STAP2: variants seen among roughly 807,000 people sequenced by gnomAD.
STAP2 encodes signal-transducing adaptor protein 2.
Under a neutral mutation model 52.7 loss-of-function variants are expected in STAP2, and 58 were observed. The ratio of observed to expected loss-of-function variants is 1.10; its 90% CI spans 0.89 to 1.37. The LOEUF (loss-of-function observed/expected upper bound fraction) is 1.37, where lower values mean the gene tolerates loss of function less well. Ranked by LOEUF, STAP2 falls within the 40% of genes most tolerant of loss-of-function variation. The pLI is 0.00. For missense variants in STAP2, 522 were observed against 519.4 expected, an observed-to-expected ratio of 1.00 and a Z score of -0.05; for synonymous variants, 231 against 210.5, an observed-to-expected ratio of 1.10 and a Z score of -0.84.
chr19:4,327,269 C>T (rs1971809131), intron 7 of STAP2, 43 bp from the exon 8 acceptor site: 3 of 1,613,836 alleles, frequency 1.9e-6, no homozygotes, highest in Non-Finnish European at 2.5e-6. Flanking sequence ...GGAGAAGGGA[C>T]GCGGACCCCA....
At chr19:4,327,888 C>G in intron 6 of STAP2, among the ~76,000 whole-genome samples, 1 of 54 alleles carries the variant, frequency 0.019, no homozygotes, top group South Asian at 0.25. Flanking sequence ...ACTTCGCCCC[C>G]AGGGCTGGCT....
In STAP2 at chr19:4,338,806, G is replaced by A. The variant is rs1002330798; in HGVS notation, c.-53C>T. ...TCTCCTTCCAGTGGGTGCCCCAGCT[G>A]GGCCGGGAAGCTGAGAAACAGGTTT... is the stretch of plus-strand genomic sequence containing the variant. On this transcript the variant is annotated 5_prime_UTR_variant, in exon 1 of 13. Coordinates refer to ENST00000594605, the MANE Select transcript of STAP2 (RefSeq NM_001013841.2). 7 of 1,573,504 alleles carry A rather than the reference G, an allele frequency of 4.4e-6. No homozygotes were observed. Among genetic ancestry groups the A allele is most frequent in the African/African-American group, 2.7e-5 (2 of 73,950 alleles).
At position 4,328,587 on chromosome 19, in the gene STAP2, G is replaced by A. The variant is rs559341459; in HGVS notation, c.590+88C>T. The A allele has an allele frequency of 4.0e-6, 6 of 1,508,778 alleles. No homozygotes were observed. The South Asian group carries it at 6.2e-5, about 16-fold the overall frequency. 93.5% of individuals were successfully genotyped at this position (1,508,778 alleles called of 1,614,324 possible). A position where few individuals can be genotyped will look rare whatever the true frequency, so the allele number is the denominator to read the frequency against. On this transcript the variant is annotated intron_variant, in intron 6 of 12. Transcript: ENST00000594605. ...CCCTGGCCTACCCACTAGCGGGTCGGACTCCGCCCCTGCTTCTGACCACGC... is the reference window on the plus strand; with the variant it reads ...CCCTGGCCTACCCACTAGCGGGTCGAACTCCGCCCCTGCTTCTGACCACGC...
intron 1 of STAP2, among the ~76,000 whole-genome samples, chr19:4,337,548 CAAA>C (rs376844059): frequency 7.0e-5 from 7 of 100,650 alleles, no homozygotes; most frequent in Admixed American, 1.0e-4. Flanking sequence ...ACCCCATCTT[CAAA>C]AAAAAAAAAA....
At chr19:4,335,791 A>C (rs938851330) in intron 1 of STAP2, among the ~76,000 whole-genome samples, 3 of 152,092 alleles carry the variant, frequency 2.0e-5, no homozygotes, top group Non-Finnish European at 2.9e-5. Context: ...GGAGGATCTC[A>C]TGAGAATTAG....
Position 4,338,773 on chromosome 19 carries a change from G to T in STAP2, c.-20C>A, listed in dbSNP as rs1469221706. On this transcript the variant is annotated 5_prime_UTR_variant, in exon 1 of 13. Transcript: ENST00000594605. Reference sequence around the variant, plus strand: ...GGCCATGACGGAGCCAGGGTCTTCCGCCTGGCCTCTCCTTCCAGTGGGTGC... The same window carrying T: ...GGCCATGACGGAGCCAGGGTCTTCCTCCTGGCCTCTCCTTCCAGTGGGTGC... 3 of 1,602,514 alleles carry T rather than the reference G, an allele frequency of 1.9e-6. No homozygotes were observed. Among genetic ancestry groups the T allele is most frequent in the African/African-American group, 1.3e-5 (1 of 74,838 alleles).
chr19:4,324,245 C>T (rs1971745557), intron 12 of STAP2, 48 bp from the exon 13 acceptor site: 2 of 1,535,192 alleles, frequency 1.3e-6, no homozygotes, highest in African/African-American at 1.4e-5. Flanking sequence ...GATCCCCAGT[C>T]CATGCCCACC....
Position 4,324,093 on chromosome 19 carries a change from A to G in STAP2, c.*40T>C, listed in dbSNP as rs1409971919. 1.3e-6 allele frequency: 2 copies of G among 1,545,622 alleles called. No individual in the cohort carries two copies. The highest frequency in any genetic ancestry group is 2.4e-5 in the South Asian group (2 of 83,950). On this transcript the variant is annotated 3_prime_UTR_variant, in exon 13 of 13. Coordinates refer to ENST00000594605, the MANE Select transcript of STAP2 (RefSeq NM_001013841.2). ...GGAAAAAGAATCTGGCCGCTGGGCC[A>G]TGCCCTGGGACTAGCCCGCTGGTCC...
At chr19:4,324,844 A>G (rs963108070) in intron 11 of STAP2, 2 of 383,124 alleles carry the variant, frequency 5.2e-6, no homozygotes, top group Non-Finnish European at 9.6e-6. Context: ...ACAACAATAA[A>G]GACAGATGAG....
chr19:4,328,866 A>G, intron 5 of STAP2, 57 bp from the exon 6 acceptor site: 1 of 1,576,976 alleles, frequency 6.3e-7, no homozygotes, highest in South Asian at 1.2e-5. Context: ...GCTCTTCTGC[A>G]CGTAAACCCT....
chr19:4,335,108 C>T (rs1971960298), intron 1 of STAP2, among the ~76,000 whole-genome samples: 2 of 150,316 alleles, frequency 1.3e-5, no homozygotes, highest in Non-Finnish European at 3.0e-5. Flanking sequence ...CTCATCCATC[C>T]ATCCATCCAT....
chr19:4,327,496 T>C, intron 6 of STAP2, 111 bp from the exon 7 acceptor site: 1 of 1,174,504 alleles, frequency 8.5e-7, no homozygotes, highest in Non-Finnish European at 1.2e-6. Flanking sequence ...AGGTCCATAC[T>C]GGCTCCGCCC....
chr19:4,335,699 G>A (rs566181916), intron 1 of STAP2, among the ~76,000 whole-genome samples: 1 of 152,244 alleles, frequency 6.6e-6, no homozygotes, highest in African/African-American at 2.4e-5. Context: ...ATGTACCCAC[G>A]ATGTGCTGTT....
chr19:4,329,006 TG>T, intron 5 of STAP2, 197 bp from the exon 6 acceptor site: 1 of 728,648 alleles, frequency 1.4e-6, no homozygotes, highest in Non-Finnish European at 2.1e-6. Context: ...TGGGGTTTTT[TG>T]TTTTTTTTTT....
rs1253458374 is a variant in STAP2, at chr19:4,334,154, C to T, written c.103-110G>A. On this transcript the variant is annotated intron_variant, in intron 1 of 12. Coordinates refer to ENST00000594605, the MANE Select transcript of STAP2 (RefSeq NM_001013841.2). ...CACTGGTTGTGCTCTCTGCCCCACG[C>T]TGCCCCCAGATCTTTATTACCTCCT... is the stretch of plus-strand genomic sequence containing the variant. 1.7e-5 allele frequency: 14 copies of T among 827,366 alleles called. No homozygotes were observed. The East Asian group carries it at 3.4e-4, about 20-fold the overall frequency. The allele number at this position is 827,366 out of a possible 1,614,324, so 51.3% of individuals were successfully genotyped here.
intron 4 of STAP2, among the ~76,000 whole-genome samples, 181 bp from the exon 5 acceptor site, chr19:4,330,242 C>T (rs189379645): frequency 1.3e-5 from 2 of 152,198 alleles, no homozygotes; most frequent in African/African-American, 4.8e-5. Context: ...ATGCTGGGGC[C>T]GGGCGCGGTG....
intron 11 of STAP2, 161 bp downstream of exon 11, chr19:4,325,055 C>T (rs1397924015): frequency 4.5e-5 from 28 of 620,702 alleles, no homozygotes; most frequent in South Asian, 2.9e-4. Context: ...AGGAGAATGG[C>T]GTGAACCCAG....
chr19:4,326,924 G>A lies in STAP2; in HGVS notation c.829+18C>T, dbSNP rs559738930. 309 of 1,550,822 alleles carry A rather than the reference G, an allele frequency of 2.0e-4. 1 individual carries two copies. The South Asian group carries it at 3.6e-3, about 18-fold the overall frequency. On this transcript the variant is annotated intron_variant, in intron 9 of 12. Transcript: ENST00000594605. ...TCCTCGATCCCTCCCACCTCGGCCC[G>A]CGGGAAGGGGGCGTCACCTGGGCCC...
At position 4,327,377 on chromosome 19, in the gene STAP2, A is replaced by G; in HGVS notation, c.599T>C (p.Val200Ala). 1 of 1,614,102 alleles carries G rather than the reference A, an allele frequency of 6.2e-7. No homozygotes were observed. Among genetic ancestry groups the G allele is most frequent in the Non-Finnish European group, 8.5e-7 (1 of 1,179,966 alleles). Reference sequence around the variant, plus strand: ...CCGCTTCACCTTGTAATGCCGGACCACGTGCGTCCTGCACCAGGAGAAAGC... The same window carrying G: ...CCGCTTCACCTTGTAATGCCGGACCGCGTGCGTCCTGCACCAGGAGAAAGC... The part of the protein sequence containing the change: ...TTRQMHNGTH[V>A]VRHYKVKREG... The change falls in exon 7 of 13, where the codon GTG (valine) becomes GCG (alanine). Residue 200 changes from valine (V) to alanine (A), a missense_variant. Physicochemically the swap from Val to Ala is moderately conservative, Grantham distance 64. Transcript: ENST00000594605.
Sources: allele counts gnomAD v4.1 joint callset (sites outside exome capture counted in the v4.1 genomes callset), GRCh38; gene constraint gnomAD v4.1.1; transcripts MANE v1.5; gene names NCBI Gene and HGNC (gene_info 2026-07-23, HGNC 2026-07-21).